The following SCAP variants were observed in gnomAD, a reference collection of about 807,000 sequenced individuals.
SCAP encodes the protein SREBF chaperone.
Under a neutral mutation model 123.6 loss-of-function variants are expected in SCAP, and 65 were observed. That is an observed-to-expected ratio of 0.53 (90% confidence interval 0.43 to 0.65). The LOEUF (loss-of-function observed/expected upper bound fraction) is 0.65. SCAP is among the 30% of genes least tolerant of loss of function. The probability of loss-of-function intolerance (pLI) is 0.00; values close to 1 mark genes in which losing one functional copy is unlikely to be tolerated. For missense variants in SCAP, 1,398 were observed against 1,712.5 expected, an observed-to-expected ratio of 0.82 and a Z score of 3.24; for synonymous variants, 740 against 726.3, an observed-to-expected ratio of 1.02 and a Z score of -0.30.
At chr3:47,434,569 G>A (rs1388646661) in intron 3 of SCAP, among the ~76,000 whole-genome samples, 2 of 152,234 alleles carry the variant, frequency 1.3e-5, no homozygotes, top group Admixed American at 6.5e-5. Context: ...CAGGTGCGGT[G>A]GCTCACGCCT....
intron 22 of SCAP, 31 bp from the exon 23 acceptor site, chr3:47,414,130 T>TGA (rs1366433990): frequency 6.2e-7 from 1 of 1,613,512 alleles, no homozygotes; most frequent in Non-Finnish European, 8.5e-7. Flanking sequence ...AGCTCAGTCC[T>TGA]GAGTCCTTCC....
At chr3:47,434,530 G>T (rs2107864162) in intron 3 of SCAP, among the ~76,000 whole-genome samples, 1 of 152,302 alleles carries the variant, frequency 6.6e-6, no homozygotes, top group African/African-American at 2.4e-5. Context: ...GGGGTCAGGA[G>T]ACCTAGAGTT....
intron 1 of SCAP, among the ~76,000 whole-genome samples, chr3:47,472,749 C>T (rs998521401): frequency 6.6e-6 from 1 of 152,032 alleles, no homozygotes; most frequent in African/African-American, 2.4e-5. Flanking sequence ...CCACCCCTAC[C>T]ACCTTCTTCC....
chr3:47,415,445 T>TGTA (rs1020459462), intron 18 of SCAP, among the ~76,000 whole-genome samples: 1 of 152,078 alleles, frequency 6.6e-6, no homozygotes, highest in Non-Finnish European at 1.5e-5. Context: ...TGAGCTAACG[T>TGTA]GTAAGGTGGT....
At chr3:47,418,942 C>T in intron 13 of SCAP, 99 bp from the exon 14 acceptor site, 2 of 1,268,282 alleles carry the variant, frequency 1.6e-6, no homozygotes, top group Non-Finnish European at 2.1e-6. Flanking sequence ...AGGCAGGCCT[C>T]AGCTCCACCG....
chr3:47,470,341 A>G (rs1034522358), intron 1 of SCAP, among the ~76,000 whole-genome samples: 4 of 152,230 alleles, frequency 2.6e-5, no homozygotes, highest in Non-Finnish European at 5.9e-5. Context: ...GACATAGCCA[A>G]TGAGGAAGAA....
intron 1 of SCAP, among the ~76,000 whole-genome samples, chr3:47,466,443 C>T (rs780834992): frequency 2.6e-5 from 4 of 151,960 alleles, no homozygotes; most frequent in Non-Finnish European, 4.4e-5. Flanking sequence ...CACTACCCAT[C>T]TAACCTGAAA....
At chr3:47,415,435 T>G (rs1705530671) in intron 18 of SCAP, among the ~76,000 whole-genome samples, 1 of 152,096 alleles carries the variant, frequency 6.6e-6, no homozygotes, top group Non-Finnish European at 1.5e-5. Flanking sequence ...GAGAATCAAG[T>G]GAGCTAACGT....
chr3:47,427,662 C>T lies in SCAP; in HGVS notation c.416G>A (p.Gly139Glu), dbSNP rs139371188. 1 of 1,613,856 alleles carries T rather than the reference C, an allele frequency of 6.2e-7. No homozygotes were observed. The change falls in exon 5 of 23, where the codon GGG (glycine) becomes GAG (glutamate). Residue 139 changes from glycine to glutamate, a missense_variant. Gly to Glu is a moderately conservative substitution (Grantham distance 98). Coordinates refer to ENST00000265565, the MANE Select transcript of SCAP (RefSeq NM_012235.4). ...IRNHVLRDSS[G>E]IRSLEELCLQ... ...ACACAACTCCTCCAAGCTCCTGATC[C>T]CAGAGCTGCACAGGAGACAGGACAA... is the stretch of plus-strand genomic sequence containing the variant.
At position 47,451,001 on chromosome 3, in the gene SCAP, CA is replaced by C. The variant is rs1360291941; in HGVS notation, c.-98-7911del. Among the ~76,000 whole-genome samples the C allele has an allele frequency of 1.7e-5, 2 of 119,092 alleles. 1 individual carries two copies. The highest frequency in any genetic ancestry group is 6.1e-4 in the East Asian group (2 of 3,284). 78.1% of individuals were successfully genotyped at this position (119,092 alleles called of 152,430 possible). On this transcript the variant is annotated intron_variant, in intron 1 of 22. Transcript: ENST00000265565. Reference sequence around the variant, plus strand: ...AGCTAGGATTACAGGCATGTGCCACCATGGCCAGCTAATTAAAAAAAAAAAA... The same window carrying C: ...AGCTAGGATTACAGGCATGTGCCACCTGGCCAGCTAATTAAAAAAAAAAAA...
At chr3:47,462,487 C>T (rs904648002) in intron 1 of SCAP, among the ~76,000 whole-genome samples, 5 of 152,038 alleles carry the variant, frequency 3.3e-5, no homozygotes, top group African/African-American at 7.2e-5. Context: ...TGATCAAACA[C>T]CATCAGAGGC....
At chr3:47,436,218 G>A (rs1706571467) in intron 2 of SCAP, among the ~76,000 whole-genome samples, 1 of 152,176 alleles carries the variant, frequency 6.6e-6, no homozygotes. Flanking sequence ...TCCACTTAAA[G>A]GGACAGACCA....
In SCAP at chr3:47,439,870, A is replaced by G. The variant is rs1279142772; in HGVS notation, c.122+3002T>C. Among the ~76,000 whole-genome samples the G allele has an allele frequency of 6.6e-6, 1 of 152,216 alleles. No homozygotes were observed. Among genetic ancestry groups the G allele is most frequent in the Non-Finnish European group, 1.5e-5 (1 of 68,040 alleles). The stretch of plus-strand genomic sequence containing the variant: ...TTGGCTCTCAGTCACTGAAACCTGC[A>G]GCCTCAACAGCAGCTCAGAGAAGAA... On this transcript the variant is annotated intron_variant, in intron 2 of 22. Transcript: ENST00000265565. The surrounding 1 kb of genome is among the most constrained non-coding windows in gnomAD (Gnocchi z 4.0).
At chr3:47,462,932 C>A (rs1377517158) in intron 1 of SCAP, among the ~76,000 whole-genome samples, 1 of 151,986 alleles carries the variant, frequency 6.6e-6, no homozygotes, top group Non-Finnish European at 1.5e-5. Context: ...CTCCCCAGGG[C>A]TTCTCAGCCT....
chr3:47,454,172 C>T (rs1399613624), intron 1 of SCAP, among the ~76,000 whole-genome samples: 1 of 151,836 alleles, frequency 6.6e-6, no homozygotes, highest in Non-Finnish European at 1.5e-5. Context: ...TTGAGACCAT[C>T]CTGGCTAACA....
rs72913112 is a variant in SCAP at position 47,466,979 on chromosome 3, G to C, written c.-99+8820C>G. 3.8e-3 allele frequency among the ~76,000 whole-genome samples: 584 copies of C among 152,094 alleles called. 5 individuals carry two copies. Among genetic ancestry groups the C allele is most frequent in the African/African-American group, 0.012 (509 of 41,486 alleles). On this transcript the variant is annotated intron_variant, in intron 1 of 22. Coordinates refer to ENST00000265565, the MANE Select transcript of SCAP (RefSeq NM_012235.4). ...ATGGTGGTGTGCACCTGTAGTTTCAGCTACTTGAGAGGCTGAGGTGGGAGG... is the reference window on the plus strand; with the variant it reads ...ATGGTGGTGTGCACCTGTAGTTTCACCTACTTGAGAGGCTGAGGTGGGAGG...
rs1377688572 is a variant in SCAP at position 47,418,219 on chromosome 3, G to A, written c.2362C>T (p.Leu788=). Residue 788 remains leucine, a synonymous_variant, in exon 16 of 23, where the codon CTG becomes TTG. Transcript: ENST00000265565. Reference sequence around the variant, plus strand: ...CCTGCCAGGCAGCAGCTCACCAGCAGCATGCCGTCGCTGGCCAGGCACTCG... The same window carrying A: ...CCTGCCAGGCAGCAGCTCACCAGCAACATGCCGTCGCTGGCCAGGCACTCG... ...DIECLASDGM[L]LVSCCLAGHV... The A allele has an allele frequency of 1.9e-5, 30 of 1,570,678 alleles. No homozygotes were observed. The highest frequency in any genetic ancestry group is 2.5e-5 in the Non-Finnish European group (29 of 1,158,498).
Position 47,428,512 on chromosome 3 carries a change from C to A in SCAP, c.410+1G>T. The A allele has an allele frequency of 6.2e-7, 1 of 1,613,874 alleles. No individual in the cohort carries two copies. Among genetic ancestry groups the A allele is most frequent in the Non-Finnish European group, 8.5e-7 (1 of 1,179,832 alleles). Reference sequence around the variant, plus strand: ...GAGGCCAGGGTCCCTGAGAGGGGTACCTGTCTCTCAGCACGTGGTTCCGGA... The same window carrying A: ...GAGGCCAGGGTCCCTGAGAGGGGTAACTGTCTCTCAGCACGTGGTTCCGGA... On this transcript the variant is annotated splice_donor_variant, in intron 4 of 22. Transcript: ENST00000265565. LOFTEE classifies it high-confidence loss of function.
intron 1 of SCAP, among the ~76,000 whole-genome samples, chr3:47,462,795 C>T (rs1255014407): frequency 6.6e-6 from 1 of 151,238 alleles, no homozygotes; most frequent in Non-Finnish European, 1.5e-5. Context: ...AAGGAAAACA[C>T]CTACTTATTT....
Sources: gnomAD v4.1 joint callset for allele counts (sites outside exome capture counted in the v4.1 genomes callset) on GRCh38, gnomAD v4.1.1 for gene constraint, Gnocchi (gnomAD v3.1) non-coding constraint, MANE v1.5 for transcripts, NCBI Gene and HGNC (gene_info 2026-07-23, HGNC 2026-07-21) for gene names.